Variants in BICRA observed in about 807,000 individuals in gnomAD.
The protein encoded by BICRA is BRD4-interacting chromatin-remodeling complex-associated protein.
Under a neutral mutation model 96.9 loss-of-function variants are expected in BICRA, and 31 were observed. That is an observed-to-expected ratio of 0.32 (90% confidence interval 0.24 to 0.43). BICRA has a LOEUF of 0.43. Among genes scored for constraint, BICRA ranks in the 20% least tolerant of loss-of-function variants. The pLI is 1.00. For missense variants in BICRA, 2,283 were observed against 2,190.3 expected (o/e 1.04, Z -0.84); for synonymous variants, 1,350 against 1,071.8 (o/e 1.26, Z -5.07).
chr19:47,630,034 A>G (rs1460644615), intron 1 of BICRA, among the ~76,000 whole-genome samples: 1 of 151,962 alleles, frequency 6.6e-6, no homozygotes, highest in Non-Finnish European at 1.5e-5. Flanking sequence ...TGTCACCATT[A>G]TCCATTACCA....
chr19:47,642,083 G>T (rs1972393306), intron 1 of BICRA, among the ~76,000 whole-genome samples: 1 of 152,170 alleles, frequency 6.6e-6, no homozygotes, highest in African/African-American at 2.4e-5. Flanking sequence ...TCTAGAGTTT[G>T]ACATAAATAG....
intron 1 of BICRA, among the ~76,000 whole-genome samples, chr19:47,639,431 A>G (rs1972350539): frequency 7.0e-6 from 1 of 142,332 alleles, no homozygotes; most frequent in African/African-American, 2.6e-5. Context: ...GGTTGACACC[A>G]TTCTTCTGCC....
In BICRA at chr19:47,694,302, C is replaced by A; in HGVS notation, c.2471C>A (p.Pro824Gln). The change falls in exon 8 of 15, where the codon CCA (proline) becomes CAA (glutamine). Residue 824 changes from proline to glutamine, a missense_variant. Coordinates refer to ENST00000594866, the MANE Select transcript of BICRA (RefSeq NM_001394372.1). ...PSEPPLHPCP[P>Q]PQAPPTLPGI... The stretch of plus-strand genomic sequence containing the variant: ...GAGCCACCCTTGCACCCTTGCCCCC[C>A]ACCCCAGGCCCCCCCAACTCTGCCT... The A allele has an allele frequency of 1.1e-6, 1 of 899,948 alleles. No homozygotes were observed. The highest frequency in any genetic ancestry group is 1.7e-6 in the Non-Finnish European group (1 of 579,040). The allele number at this position is 899,948 out of a possible 1,614,324, so 55.7% of individuals were successfully genotyped here.
At chr19:47,639,852 C>T (rs1432822208) in intron 1 of BICRA, among the ~76,000 whole-genome samples, 1 of 151,320 alleles carries the variant, frequency 6.6e-6, no homozygotes, top group African/African-American at 2.4e-5. Context: ...CTATGATGCC[C>T]AGGCTGGTCT....
chr19:47,678,989 C>A, intron 5 of BICRA: 1 of 222,264 alleles, frequency 4.5e-6, no homozygotes. Context: ...CAGCCTCAAA[C>A]TCCTGGGCTC....
intron 1 of BICRA, among the ~76,000 whole-genome samples, chr19:47,647,771 A>G (rs1252911567): frequency 2.0e-5 from 3 of 152,018 alleles, no homozygotes; most frequent in Non-Finnish European, 4.4e-5. Context: ...GCCTGTGACC[A>G]AGATGTCCGC....
At chr19:47,658,631 C>CA (rs3074083) in intron 1 of BICRA, among the ~76,000 whole-genome samples, 4,423 of 96,754 alleles carry the variant, frequency 0.046, 381 homozygotes, top group African/African-American at 0.16. Context: ...GACTTCGTCT[C>CA]AAAAAAAAAA....
At chr19:47,625,150 C>T (rs1159999484) in intron 1 of BICRA, among the ~76,000 whole-genome samples, 1 of 151,860 alleles carries the variant, frequency 6.6e-6, no homozygotes, top group Non-Finnish European at 1.5e-5. Context: ...CAGGCGTGAG[C>T]CACCACGCCC....
intron 1 of BICRA, among the ~76,000 whole-genome samples, chr19:47,659,903 G>A (rs901856836): frequency 5.9e-5 from 9 of 151,948 alleles, no homozygotes; most frequent in African/African-American, 2.2e-4. Context: ...GTGCACACTA[G>A]CATACCTGGC....
intron 1 of BICRA, among the ~76,000 whole-genome samples, chr19:47,636,041 A>G (rs555437399): frequency 1.3e-5 from 2 of 152,302 alleles, no homozygotes; most frequent in South Asian, 4.1e-4. Context: ...CATTACCTTC[A>G]GACTATGTGT....
rs780889156 is a variant in BICRA, at chr19:47,680,884, C to A, written c.1714C>A (p.Pro572Thr). Reference protein sequence around the residue: ...AAGSLPTQSQPAPAGPAATTV... With the variant: ...AAGSLPTQSQTAPAGPAATTV... ...GGGCAGCCTGCCCACGCAGAGCCAG[C>A]CAGCGCCCGCCGGGCCGGCCGCCAC... The change falls in exon 6 of 15, where the codon CCA (proline) becomes ACA (threonine). Residue 572 changes from proline to threonine, a missense_variant. Coordinates refer to ENST00000594866, the MANE Select transcript of BICRA (RefSeq NM_001394372.1). 1 of 1,469,532 alleles carries A rather than the reference C, an allele frequency of 6.8e-7. No homozygotes were observed. The highest frequency in any genetic ancestry group is 8.9e-7 in the Non-Finnish European group (1 of 1,120,802). 91.0% of individuals were successfully genotyped at this position (1,469,532 alleles called of 1,614,324 possible). A position where few individuals can be genotyped will look rare whatever the true frequency, so the allele number is the denominator to read the frequency against.
chr19:47,675,782 G>T lies in BICRA; in HGVS notation c.85-69G>T. 8.4e-7 allele frequency: 1 copy of T among 1,190,960 alleles called. No individual in the cohort carries two copies. The highest frequency in any genetic ancestry group is 1.2e-6 in the Non-Finnish European group (1 of 812,562). 73.8% of individuals were successfully genotyped at this position (1,190,960 alleles called of 1,614,324 possible). A position where few individuals can be genotyped will look rare whatever the true frequency, so the allele number is the denominator to read the frequency against. ...TTTTTGTCCTGAGTGACCCTAAATT[G>T]GTTTCTGCTCCAGAGCATGGGCCTG... On this transcript the variant is annotated intron_variant, in intron 4 of 14. Coordinates refer to ENST00000594866, the MANE Select transcript of BICRA (RefSeq NM_001394372.1). This position sits in a 1 kb window ranked among gnomAD's most constrained non-coding sequence, Gnocchi z 4.7.
intron 1 of BICRA, among the ~76,000 whole-genome samples, chr19:47,611,264 G>A (rs886919317): frequency 2.0e-5 from 3 of 151,784 alleles, no homozygotes; most frequent in Non-Finnish European, 4.4e-5. Flanking sequence ...TAGAAGAAGC[G>A]GCCAGATTTT....
At chr19:47,667,516 GA>G (rs1171783129) in intron 1 of BICRA, among the ~76,000 whole-genome samples, 1 of 152,180 alleles carries the variant, frequency 6.6e-6, no homozygotes, top group Non-Finnish European at 1.5e-5. Context: ...CAGAGCCAGG[GA>G]GGAGGCATGA....
At chr19:47,642,702 A>C (rs1217913591) in intron 1 of BICRA, among the ~76,000 whole-genome samples, 1 of 152,194 alleles carries the variant, frequency 6.6e-6, no homozygotes, top group Non-Finnish European at 1.5e-5. Context: ...ACCCTGTCTC[A>C]AAAAGAAAAG....
At position 47,702,188 on chromosome 19, in the gene BICRA, A is replaced by G. The variant is rs1973470276; in HGVS notation, c.4456A>G (p.Ser1486Gly). The G allele has an allele frequency of 3.8e-6, 6 of 1,590,266 alleles. No homozygotes were observed. The highest frequency in any genetic ancestry group is 3.4e-6 in the Non-Finnish European group (4 of 1,174,322). Residue 1486 changes from serine (S) to glycine (G), a missense_variant, in exon 15 of 15, where the codon AGC becomes GGC. Transcript: ENST00000594866. ...CGAGTCGCCCGACGTGGACCAGGCC[A>G]GCTTCTCCAGCGACAGCCCGCAGGA... Reference protein sequence around the residue: ...KSESPDVDQASFSSDSPQDDT... With the variant: ...KSESPDVDQAGFSSDSPQDDT...
rs778130367 is a variant in BICRA, at chr19:47,680,700, C to T, written c.1530C>T (p.Ile510=). The part of the protein sequence containing the change: ...AAAPHTGGQL[I]ANPILTNQNL... Reference sequence around the variant, plus strand: ...CCCCCCACACAGGTGGACAGCTCATCGCGAACCCCATCCTCACAAACCAGA... The same window carrying T: ...CCCCCCACACAGGTGGACAGCTCATTGCGAACCCCATCCTCACAAACCAGA... The change falls in exon 6 of 15, where the codon ATC becomes ATT. Residue 510 remains isoleucine (I), a synonymous_variant. Transcript: ENST00000594866. 8 of 1,601,192 alleles carry T rather than the reference C, an allele frequency of 5.0e-6. No individual in the cohort carries two copies. In the African/African-American group the frequency reaches 8.0e-5, roughly 16 times the overall value.
In BICRA at chr19:47,617,067, A is replaced by G. The variant is rs1031743906; in HGVS notation, c.-108+7899A>G. Among the ~76,000 whole-genome samples the G allele has an allele frequency of 6.8e-5, 7 of 103,530 alleles. No individual in the cohort carries two copies. The East Asian group carries it at 1.5e-3, about 23-fold the overall frequency. 67.9% of individuals were successfully genotyped at this position (103,530 alleles called of 152,430 possible). On this transcript the variant is annotated intron_variant, in intron 1 of 14. Coordinates refer to ENST00000594866, the MANE Select transcript of BICRA (RefSeq NM_001394372.1). ...AGTCTCGAACTCCTGGACTCAAGCAATCCACCCGCCTCAGCTTCCCAAAGT... is the reference window on the plus strand; with the variant it reads ...AGTCTCGAACTCCTGGACTCAAGCAGTCCACCCGCCTCAGCTTCCCAAAGT...
upstream of BICRA, chr19:47,608,581 C>T (rs935776449): frequency 6.6e-6 from 1 of 152,184 alleles, no homozygotes; most frequent in African/African-American, 2.4e-5. Flanking sequence ...CCTTCAGCTC[C>T]CCCGCGCCCC....
Sources: gnomAD v4.1 joint callset for allele counts (sites outside exome capture counted in the v4.1 genomes callset) on GRCh38, gnomAD v4.1.1 for gene constraint, Gnocchi (gnomAD v3.1) non-coding constraint, MANE v1.5 for transcripts, NCBI Gene and HGNC (gene_info 2026-07-23, HGNC 2026-07-21) for gene names.